ERAP1: variants seen among roughly 807,000 people sequenced by gnomAD.
ERAP1 encodes adipocyte-derived leucine aminopeptidase.
Under a neutral mutation model 103.7 loss-of-function variants are expected in ERAP1, and 86 were observed. The ratio of observed to expected loss-of-function variants is 0.83; its 90% CI spans 0.70 to 0.99. The LOEUF is 0.99. Ranked by LOEUF, ERAP1 falls within the 50% of genes least tolerant of loss-of-function variation. The pLI is 0.00. For synonymous variants in ERAP1, 398 were observed against 402.4 expected, an observed-to-expected ratio of 0.99 and a Z score of 0.13; for missense variants, 1,009 against 1,128.4, an observed-to-expected ratio of 0.89 and a Z score of 1.52.
the ERAP1 span, among the ~76,000 whole-genome samples, chr5:96,857,973 A>C: frequency 6.6e-6 from 1 of 152,206 alleles, no homozygotes; most frequent in African/African-American, 2.4e-5. Flanking sequence ...GATAAAATGA[A>C]GATCAAGTTT....
downstream of ERAP1, chr5:96,770,159 C>T (rs558456011): frequency 2.3e-5 from 5 of 218,726 alleles, no homozygotes; most frequent in Non-Finnish European, 3.8e-5. Context: ...TCCATCATAG[C>T]CCATACCAAT....
At chr5:96,786,864 A>G (rs1208538698) in intron 11 of ERAP1, 4 of 302,520 alleles carry the variant, frequency 1.3e-5, no homozygotes, top group African/African-American at 2.1e-5. Flanking sequence ...CCTCCTGAAT[A>G]GTATATTAGG....
At chr5:96,794,709 T>G (rs943699395) in intron 5 of ERAP1, among the ~76,000 whole-genome samples, 1 of 152,232 alleles carries the variant, frequency 6.6e-6, no homozygotes, top group Non-Finnish European at 1.5e-5. Context: ...TTGAGCATCC[T>G]CTGGGTTCCT....
At chr5:96,896,679 C>T in the ERAP1 span, 1 of 1,509,224 alleles carries the variant, frequency 6.6e-7, no homozygotes, top group South Asian at 1.3e-5. Flanking sequence ...AAAAACATAC[C>T]ATACTACCAT....
At chr5:96,861,667 C>T in the ERAP1 span, among the ~76,000 whole-genome samples, 3 of 152,074 alleles carry the variant, frequency 2.0e-5, no homozygotes, top group Admixed American at 2.0e-4. Context: ...TTATTTGATC[C>T]CAGCTACAAC....
At chr5:96,864,502 T>C in the ERAP1 span, among the ~76,000 whole-genome samples, 2 of 152,290 alleles carry the variant, frequency 1.3e-5, no homozygotes, top group South Asian at 4.1e-4. Flanking sequence ...ATGTTTTGTA[T>C]GCATCACATT....
chr5:96,826,761 A>G, the ERAP1 span, among the ~76,000 whole-genome samples: 3 of 152,058 alleles, frequency 2.0e-5, no homozygotes, highest in Non-Finnish European at 4.4e-5. Flanking sequence ...CCTGCCTTGA[A>G]CGTTATGGTT....
the ERAP1 span, among the ~76,000 whole-genome samples, chr5:96,817,493 A>G: frequency 6.6e-6 from 1 of 152,254 alleles, no homozygotes; most frequent in Non-Finnish European, 1.5e-5. Flanking sequence ...ACTAATTTCT[A>G]TGTTGTGTCA....
At chr5:96,822,569 C>T in the ERAP1 span, among the ~76,000 whole-genome samples, 1 of 152,078 alleles carries the variant, frequency 6.6e-6, no homozygotes, top group Non-Finnish European at 1.5e-5. Flanking sequence ...TAAGGGATGC[C>T]GAGGTAGCCT....
chr5:96,840,749 A>T, the ERAP1 span, among the ~76,000 whole-genome samples: 1 of 146,942 alleles, frequency 6.8e-6, no homozygotes, highest in Non-Finnish European at 1.5e-5. Context: ...CTTTGTCGCC[A>T]TACTGGAGTG....
the ERAP1 span, among the ~76,000 whole-genome samples, chr5:96,871,103 C>T: frequency 6.6e-6 from 1 of 152,224 alleles, no homozygotes; most frequent in Non-Finnish European, 1.5e-5. Flanking sequence ...CAGCTCTCTC[C>T]TCTTTGGTAT....
In ERAP1 at chr5:96,761,985, A is replaced by G. The variant is rs537302774; in HGVS notation, c.*1215T>C. The G allele has an allele frequency of 3.5e-5, 8 of 227,156 alleles. No individual in the cohort carries two copies. The South Asian group carries it at 1.2e-3, about 35-fold the overall frequency. The allele number at this position is 227,156 out of a possible 1,614,324, so 14.1% of individuals were successfully genotyped here. A position where few individuals can be genotyped will look rare whatever the true frequency, so the allele number is the denominator to read the frequency against. On this transcript the variant is annotated 3_prime_UTR_variant, in exon 20 of 20. Transcript: ENST00000296754. Reference sequence around the variant, plus strand: ...AGAGCTGAAAACTTTGAATAACCTAAATGTACAACAGGAAATGTGTAAACA... The same window carrying G: ...AGAGCTGAAAACTTTGAATAACCTAGATGTACAACAGGAAATGTGTAAACA...
upstream of ERAP1, chr5:96,808,130 G>A (rs1778873814): frequency 1.0e-6 from 1 of 986,044 alleles, no homozygotes; most frequent in Non-Finnish European, 1.2e-6. Context: ...GGGAAGCTGC[G>A]AGGTTGCGAT....
chr5:96,873,239 A>C, the ERAP1 span: 1 of 400,584 alleles, frequency 2.5e-6, no homozygotes, highest in Admixed American at 3.2e-5. Context: ...TTTGACAATA[A>C]AGTCTCATCT....
intron 2 of ERAP1, among the ~76,000 whole-genome samples, chr5:96,802,381 AT>A (rs1778106300): frequency 6.6e-6 from 1 of 151,978 alleles, no homozygotes; most frequent in Admixed American, 6.5e-5. Context: ...TAAGAATTCT[AT>A]TTATATAAAA....
At chr5:96,890,155 T>A in the ERAP1 span, among the ~76,000 whole-genome samples, 4 of 152,334 alleles carry the variant, frequency 2.6e-5, no homozygotes, top group East Asian at 7.7e-4. Context: ...TAAAAAACGT[T>A]ATTTTTAGAA....
At chr5:96,935,726 TG>T in the ERAP1 span, 1 of 186,120 alleles carries the variant, frequency 5.4e-6, no homozygotes, top group Non-Finnish European at 1.1e-5. Flanking sequence ...CTCCTGGGAC[TG>T]GGACCATGAT....
chr5:96,775,339 T>TATCA lies in ERAP1; in HGVS notation c.*1053_*1056dup, dbSNP rs34023349. On this transcript the variant is annotated 3_prime_UTR_variant, in exon 19 of 19. Coordinates refer to ENST00000443439, the MANE Select transcript of ERAP1 (RefSeq NM_001040458.3). ...GCAAATATTTTGTTTCACAATGTACTATCATTTATTGGTGACTGCAATAAT... is the reference window on the plus strand; with the variant it reads ...GCAAATATTTTGTTTCACAATGTACTATCAATCATTTATTGGTGACTGCAATAAT... 113,438 of 982,814 alleles carry TATCA rather than the reference T, an allele frequency of 0.12. 7,100 individuals are homozygous for TATCA. Among genetic ancestry groups the TATCA allele is most frequent in the Middle Eastern group, 0.13 (248 of 1,912 alleles). 60.9% of individuals were successfully genotyped at this position (982,814 alleles called of 1,614,324 possible).
At chr5:96,874,476 C>T in the ERAP1 span, among the ~76,000 whole-genome samples, 1 of 152,218 alleles carries the variant, frequency 6.6e-6, no homozygotes, top group Admixed American at 6.5e-5. Context: ...GCCCCCACGC[C>T]CTGCAGAGTT....
Sources: allele counts gnomAD v4.1 joint callset (sites outside exome capture counted in the v4.1 genomes callset), GRCh38; gene constraint gnomAD v4.1.1; transcripts MANE v1.5; gene names NCBI Gene and HGNC (gene_info 2026-07-23, HGNC 2026-07-21).